MMRN2: variants seen among roughly 807,000 people sequenced by gnomAD.
MMRN2 encodes the protein multimerin-2.
In MMRN2, 53 loss-of-function variants were observed where a neutral mutation model predicts 68.8. The ratio of observed to expected loss-of-function variants is 0.77; its 90% CI spans 0.62 to 0.97. The LOEUF (loss-of-function observed/expected upper bound fraction) is 0.97. MMRN2 is among the 50% of genes least tolerant of loss of function. The pLI is 0.00. For missense variants in MMRN2, 1,266 were observed against 1,259.5 expected (o/e 1.01, Z -0.08); for synonymous variants, 564 against 551.6 (o/e 1.02, Z -0.32).
Position 86,942,925 on chromosome 10 carries a change from TC to T in MMRN2, c.1858del (p.Glu620ArgfsTer13). 1 of 1,496,452 alleles carries T rather than the reference TC, an allele frequency of 6.7e-7. No homozygotes were observed. Among genetic ancestry groups the T allele is most frequent in the Non-Finnish European group, 8.9e-7 (1 of 1,123,782 alleles). The allele number at this position is 1,496,452 out of a possible 1,614,324, so 92.7% of individuals were successfully genotyped here. A position where few individuals can be genotyped will look rare whatever the true frequency, so the allele number is the denominator to read the frequency against. On this transcript the variant is annotated frameshift_variant, in exon 6 of 7. Coordinates refer to ENST00000372027, the MANE Select transcript of MMRN2 (RefSeq NM_024756.3). LOFTEE classifies it high-confidence loss of function. ...LAALFGEEVL[E>X]EMSEQTPGPL... ...TCCCGGCGTCTGCTCAGACATCTCC[TC>T]CAGCACCTCCTCCCCGAAGAGCGCG...
chr10:86,944,512 G>C, intron 4 of MMRN2, 77 bp from the exon 5 acceptor site: 1 of 1,520,116 alleles, frequency 6.6e-7, no homozygotes. Flanking sequence ...GAGAAGGAGA[G>C]TTGAAGGCTG....
intron 6 of MMRN2, among the ~76,000 whole-genome samples, chr10:86,939,992 A>AG (rs1843944087): frequency 6.7e-6 from 1 of 149,278 alleles, no homozygotes; most frequent in Non-Finnish European, 1.5e-5. Flanking sequence ...TTGGGATTAC[A>AG]GGTGCCTGCC....
In MMRN2 at chr10:86,942,802, CG is replaced by C; in HGVS notation, c.1981del (p.Arg661GlufsTer2). On this transcript the variant is annotated frameshift_variant, in exon 6 of 7. Transcript: ENST00000372027. LOFTEE classifies it high-confidence loss of function. Reference sequence around the variant, plus strand: ...CGAGGCCTGCTCCAGGGCCGTCACTCGGGCGGCCAGCTCGTCCCAGCCGAGC... The same window carrying C: ...CGAGGCCTGCTCCAGGGCCGTCACTCGGCGGCCAGCTCGTCCCAGCCGAGC... ...QALGWDELAA[R>X]VTALEQASEP... is the part of the protein sequence containing the mutation. 1 of 1,358,378 alleles carries C rather than the reference CG, an allele frequency of 7.4e-7. No individual in the cohort carries two copies. The highest frequency in any genetic ancestry group is 1.7e-5 in the South Asian group (1 of 57,638). The allele number at this position is 1,358,378 out of a possible 1,614,324, so 84.1% of individuals were successfully genotyped here.
rs1384976518 is a variant in MMRN2 at position 86,937,038 on chromosome 10, C to G, written c.2555G>C (p.Gly852Ala). ...GCCATGTTCAGGGAAGTAGCTGCTGCCAATGTTGATGTATGTGGTGTTGAA... is the reference window on the plus strand; with the variant it reads ...GCCATGTTCAGGGAAGTAGCTGCTGGCAATGTTGATGTATGTGGTGTTGAA... ...VKFNTTYINI[G>A]SSYFPEHGYF... The change falls in exon 7 of 7, where the codon GGC becomes GCC. Residue 852 changes from glycine (G) to alanine (A), a missense_variant. Coordinates refer to ENST00000372027, the MANE Select transcript of MMRN2 (RefSeq NM_024756.3). The G allele has an allele frequency of 1.2e-6, 2 of 1,614,078 alleles. No homozygotes were observed. Among genetic ancestry groups the G allele is most frequent in the African/African-American group, 2.7e-5 (2 of 74,924 alleles).
In MMRN2 at chr10:86,944,345, A is replaced by G. The variant is rs1012555374; in HGVS notation, c.572T>C (p.Val191Ala). Residue 191 changes from valine (V) to alanine (A), a missense_variant, in exon 5 of 7, where the codon GTG becomes GCG. Transcript: ENST00000372027. ...CCACAGGCCTGGCAGGCTGTCTGCC[A>G]CCCGGTGCACATCATTCTGGAGATC... is the stretch of plus-strand genomic sequence containing the variant. Reference protein sequence around the residue: ...LGDLQNDVHRVADSLPGLWKA... With the variant: ...LGDLQNDVHRAADSLPGLWKA... The G allele has an allele frequency of 3.1e-6, 5 of 1,613,812 alleles. No homozygotes were observed. The highest frequency in any genetic ancestry group is 4.2e-6 in the Non-Finnish European group (5 of 1,179,996).
In MMRN2 at chr10:86,957,557, G is replaced by T; in HGVS notation, c.-16C>A. On this transcript the variant is annotated 5_prime_UTR_variant, in exon 1 of 7. In the 5' UTR this introduces an upstream ATG that the reference lacks. Coordinates refer to ENST00000372027, the MANE Select transcript of MMRN2 (RefSeq NM_024756.3). ...TCAGGATCATCTTGGTGGTGGGGCA[G>T]GCTCAGCTCACACTCAGCCTTGGCA... is the stretch of plus-strand genomic sequence containing the variant. 1 of 1,597,626 alleles carries T rather than the reference G, an allele frequency of 6.3e-7. No homozygotes were observed.
At chr10:86,940,079 C>T (rs1043791151) in intron 6 of MMRN2, among the ~76,000 whole-genome samples, 13 of 149,124 alleles carry the variant, frequency 8.7e-5, no homozygotes, top group African/African-American at 3.2e-4. Flanking sequence ...GTGGCGCAAT[C>T]TCGGCTCACT....
At chr10:86,939,847 G>T (rs1050778635) in intron 6 of MMRN2, among the ~76,000 whole-genome samples, 3 of 134,484 alleles carry the variant, frequency 2.2e-5, no homozygotes, top group Middle Eastern at 3.4e-3. Flanking sequence ...GTTTGTGTGT[G>T]TGTGTGTGTG....
intron 6 of MMRN2, among the ~76,000 whole-genome samples, chr10:86,937,972 T>C (rs997588608): frequency 1.3e-5 from 2 of 152,146 alleles, no homozygotes; most frequent in Admixed American, 6.5e-5. Flanking sequence ...AAGGGTCTCT[T>C]GTTGCCCAGA....
intron 4 of MMRN2, 174 bp from the exon 5 acceptor site, chr10:86,944,609 C>T: frequency 1.6e-6 from 1 of 616,878 alleles, no homozygotes; most frequent in Non-Finnish European, 2.8e-6. Flanking sequence ...GCAAGTGAGC[C>T]CTCACCCTGC....
chr10:86,957,397 C>G lies in MMRN2; in HGVS notation c.145G>C (p.Gly49Arg), dbSNP rs3750823. ...TCTTACCGTCCTACGGGGTCCTTGC[C>G]GGTGTCCTCAGCCTCTGCCTTCCAG... ...GVWKAEAEDT[G>R]KDPVGRNWCP... The change falls in exon 1 of 7, where the codon GGC (glycine) becomes CGC (arginine). Residue 49 changes from glycine to arginine, a missense_variant. Gly to Arg is a moderately radical substitution (Grantham distance 125, BLOSUM62 -2). Transcript: ENST00000372027. 2.5e-6 allele frequency: 4 copies of G among 1,613,174 alleles called. No individual in the cohort carries two copies. In the South Asian group the frequency reaches 4.4e-5, roughly 18 times the overall value.
chr10:86,953,495 C>T (rs1257170537), intron 1 of MMRN2, among the ~76,000 whole-genome samples: 1 of 152,164 alleles, frequency 6.6e-6, no homozygotes, highest in African/African-American at 2.4e-5. Flanking sequence ...TCCCTGACTT[C>T]CCGCAACAGC....
rs1220162686 is a variant in MMRN2, at chr10:86,945,581, G to T, written c.273C>A (p.Asp91Glu). Residue 91 changes from aspartate to glutamate, a missense_variant, in exon 2 of 7, where the codon GAC becomes GAA. Physicochemically the swap from Asp to Glu is conservative, Grantham distance 45. Coordinates refer to ENST00000372027, the MANE Select transcript of MMRN2 (RefSeq NM_024756.3). ...CTCACATGACTTTGACTTTCTGGCA[G>T]TCTGGAGCTCCCTGCGGACACGGCT... The part of the protein sequence containing the change: ...SQQPCPQGAP[D>E]CQKVKVMYRM... The T allele has an allele frequency of 6.2e-7, 1 of 1,603,922 alleles. No individual in the cohort carries two copies. The highest frequency in any genetic ancestry group is 8.5e-7 in the Non-Finnish European group (1 of 1,175,142).
At chr10:86,940,245 A>T (rs1843948851) in intron 6 of MMRN2, among the ~76,000 whole-genome samples, 1 of 152,074 alleles carries the variant, frequency 6.6e-6, no homozygotes, top group Non-Finnish European at 1.5e-5. Flanking sequence ...CCTGACCTCA[A>T]GTGATCCACC....
rs1186892256 is a variant in MMRN2, at chr10:86,943,310, A to T, written c.1474T>A (p.Cys492Ser). 1.2e-6 allele frequency: 2 copies of T among 1,613,830 alleles called. No homozygotes were observed. The highest frequency in any genetic ancestry group is 3.3e-5 in the Admixed American group (2 of 60,026). ...HADLIKYVKD[C>S]NCQKLYLDLD... ...TCTAAATAGAGCTTCTGGCAATTGCAGTCCTTCACGTACTTGATGAGGTCG... is the reference window on the plus strand; with the variant it reads ...TCTAAATAGAGCTTCTGGCAATTGCTGTCCTTCACGTACTTGATGAGGTCG... Residue 492 changes from cysteine to serine, a missense_variant, in exon 6 of 7, where the codon TGC (cysteine) becomes AGC (serine). Coordinates refer to ENST00000372027, the MANE Select transcript of MMRN2 (RefSeq NM_024756.3). The surrounding 1 kb of genome is among the most constrained non-coding windows in gnomAD (Gnocchi z 4.2).
intron 6 of MMRN2, among the ~76,000 whole-genome samples, chr10:86,941,734 A>G (rs1463315006): frequency 6.8e-6 from 1 of 147,914 alleles, no homozygotes; most frequent in Non-Finnish European, 1.5e-5. Flanking sequence ...GGAGAGGTCT[A>G]GGCTGCAGTG....
In MMRN2 at chr10:86,942,655, T is replaced by G; in HGVS notation, c.2129A>C (p.Asn710Thr). The G allele has an allele frequency of 6.3e-7, 1 of 1,597,056 alleles. No homozygotes were observed. The highest frequency in any genetic ancestry group is 2.2e-5 in the East Asian group (1 of 44,774). ...CTCGGCCTCGCAGCACCGCCCGACA[T>G]TCTTGACGTCGTTGCTCAGGCTCTG... ...ELQSLSNDVKNVGRCCEAEAG... is the reference protein window; with the variant it reads ...ELQSLSNDVKTVGRCCEAEAG... Residue 710 changes from asparagine to threonine, a missense_variant, in exon 6 of 7, where the codon AAT becomes ACT. Transcript: ENST00000372027.
rs144699948 is a variant in MMRN2, at chr10:86,951,969, G to A, written c.164+5409C>T. On this transcript the variant is annotated intron_variant, in intron 1 of 6. Transcript: ENST00000372027. ...AGGCTGAGGTGGAAGGATTGCTTGA[G>A]CTGAGGAGGTGGAGGTTGCAGTGAG... Among the ~76,000 whole-genome samples the A allele has an allele frequency of 1.5e-3, 231 of 152,266 alleles. 2 individuals carry two copies. In the East Asian group the frequency reaches 0.019, roughly 13 times the overall value.
intron 1 of MMRN2, among the ~76,000 whole-genome samples, chr10:86,952,944 T>A (rs1311115689): frequency 6.6e-6 from 1 of 152,172 alleles, no homozygotes; most frequent in Admixed American, 6.5e-5. Flanking sequence ...GGAATGTAAT[T>A]CTTTTCCTAG....
Sources: allele counts gnomAD v4.1 joint callset (sites outside exome capture counted in the v4.1 genomes callset), GRCh38; gene constraint gnomAD v4.1.1; non-coding constraint Gnocchi (gnomAD v3.1); transcripts MANE v1.5; gene names NCBI Gene and HGNC (gene_info 2026-07-23, HGNC 2026-07-21).